Variants in ASTN1 observed in about 807,000 individuals in gnomAD.
The protein encoded by ASTN1 is astrotactin 1.
ASTN1 carries 41 observed loss-of-function variants against 140.7 expected under a neutral mutation model. The observed-to-expected ratio is 0.29, with a 90% CI of 0.23 to 0.38. The LOEUF (loss-of-function observed/expected upper bound fraction) is 0.38. ASTN1 is among the 10% of genes least tolerant of loss of function. The pLI is 1.00. For synonymous variants in ASTN1, 640 were observed against 652.2 expected (o/e 0.98, Z 0.29); for missense variants, 1,479 against 1,678.8 (o/e 0.88, Z 2.08).
intron 11 of ASTN1, 98 bp from the exon 12 acceptor site, chr1:176,949,449 G>A: frequency 4.6e-6 from 6 of 1,291,908 alleles, no homozygotes; most frequent in Non-Finnish European, 5.2e-6. Context: ...GTAGCACTCA[G>A]CCTTGAAACT....
chr1:176,883,105 T>A (rs1279630640), intron 19 of ASTN1, 111 bp from the exon 20 acceptor site: 5 of 1,433,770 alleles, frequency 3.5e-6, no homozygotes, highest in Non-Finnish European at 4.8e-6. Flanking sequence ...TGGTCCTCAA[T>A]CTCTAGAGTA....
intron 1 of ASTN1, among the ~76,000 whole-genome samples, chr1:177,125,678 C>T (rs1037681699): frequency 5.3e-5 from 8 of 152,156 alleles, no homozygotes; most frequent in South Asian, 2.1e-4. Flanking sequence ...GAAAATGACA[C>T]CAAGTATATT....
intron 20 of ASTN1, among the ~76,000 whole-genome samples, chr1:176,881,449 G>C (rs1668796529): frequency 6.6e-6 from 1 of 152,210 alleles, no homozygotes. Context: ...CTAAGTAACA[G>C]TGTGATTTAG....
chr1:176,990,606 G>A (rs1674112798), intron 8 of ASTN1, among the ~76,000 whole-genome samples: 1 of 152,058 alleles, frequency 6.6e-6, no homozygotes, highest in Non-Finnish European at 1.5e-5. Flanking sequence ...AATGGAAAGG[G>A]TAAGTAACAC....
chr1:177,023,722 A>G lies in ASTN1; in HGVS notation c.1271-151T>C, dbSNP rs142931508. 1.5e-3 allele frequency: 1,379 copies of G among 921,462 alleles called. 48 individuals carry two copies. In the Admixed American group the frequency reaches 0.045, roughly 30 times the overall value. The allele number at this position is 921,462 out of a possible 1,614,324, so 57.1% of individuals were successfully genotyped here. Reference sequence around the variant, plus strand: ...CTAGCCCATCATTAGCCCCAGAGCAAGGGATCAGCAGACAGAGGCTGGGCC... The same window carrying G: ...CTAGCCCATCATTAGCCCCAGAGCAGGGGATCAGCAGACAGAGGCTGGGCC... On this transcript the variant is annotated intron_variant, in intron 6 of 22. Coordinates refer to ENST00000361833, the MANE Select transcript of ASTN1 (RefSeq NM_004319.3).
intron 8 of ASTN1, among the ~76,000 whole-genome samples, chr1:177,004,492 A>T (rs1032030764): frequency 3.3e-5 from 5 of 152,202 alleles, no homozygotes; most frequent in African/African-American, 1.2e-4. Context: ...ATGGAACAAC[A>T]ACAACAACAA....
Position 176,958,331 on chromosome 1 carries a change from G to A in ASTN1, c.1736+14C>T, listed in dbSNP as rs762804828. Reference sequence around the variant, plus strand: ...CAAGCCAATTGCAGGCCTCAGTCCTGAAGCCAGACTCACCTGACCTCCACA... The same window carrying A: ...CAAGCCAATTGCAGGCCTCAGTCCTAAAGCCAGACTCACCTGACCTCCACA... On this transcript the variant is annotated intron_variant, in intron 10 of 22. Coordinates refer to ENST00000361833, the MANE Select transcript of ASTN1 (RefSeq NM_004319.3). 1 of 1,613,738 alleles carries A rather than the reference G, an allele frequency of 6.2e-7. No individual in the cohort carries two copies. The highest frequency in any genetic ancestry group is 1.7e-5 in the Admixed American group (1 of 59,990).
intron 8 of ASTN1, among the ~76,000 whole-genome samples, chr1:176,970,696 A>G (rs1234587125): frequency 6.6e-6 from 1 of 150,572 alleles, no homozygotes; most frequent in African/African-American, 2.5e-5. Flanking sequence ...ATATGTATGT[A>G]TATATGTATC....
intron 16 of ASTN1, among the ~76,000 whole-genome samples, chr1:176,906,579 C>T (rs1670010322): frequency 6.6e-6 from 1 of 152,046 alleles, no homozygotes; most frequent in Non-Finnish European, 1.5e-5. Context: ...TTGCGATGGG[C>T]CTCGTGGTTC....
chr1:177,065,756 T>C (rs536550201), intron 1 of ASTN1, among the ~76,000 whole-genome samples: 1 of 152,248 alleles, frequency 6.6e-6, no homozygotes, highest in Admixed American at 6.5e-5. Context: ...TGAATGCCCA[T>C]TTAAGTAGTT....
At position 176,862,589 on chromosome 1, in the gene ASTN1, T is replaced by C; in HGVS notation, c.*1695A>G. ...ACTGGGTATCCCAGAGTAGCTAAGA[T>C]CCTGTGCCCTGGAGACCAACAGCCT... On this transcript the variant is annotated 3_prime_UTR_variant, in exon 23 of 23. Transcript: ENST00000361833. 1 of 984,950 alleles carries C rather than the reference T, an allele frequency of 1.0e-6. No homozygotes were observed. The highest frequency in any genetic ancestry group is 1.2e-6 in the Non-Finnish European group (1 of 829,572). 61.0% of individuals were successfully genotyped at this position (984,950 alleles called of 1,614,324 possible).
intron 2 of ASTN1, among the ~76,000 whole-genome samples, chr1:177,047,490 C>A (rs1039340491): frequency 1.3e-5 from 2 of 152,082 alleles, no homozygotes; most frequent in Non-Finnish European, 2.9e-5. Flanking sequence ...AATGGAGGAA[C>A]CTACTCAAGG....
At chr1:177,159,423 AAAGAAAC>A (rs1647227273) in intron 1 of ASTN1, among the ~76,000 whole-genome samples, 1 of 152,242 alleles carries the variant, frequency 6.6e-6, no homozygotes, top group South Asian at 2.1e-4. Flanking sequence ...AAAAGAAGGA[AAAGAAAC>A]ATATTTTAAA....
chr1:176,917,623 A>C (rs552421202), intron 16 of ASTN1, among the ~76,000 whole-genome samples: 2 of 152,276 alleles, frequency 1.3e-5, no homozygotes, highest in Admixed American at 1.3e-4. Context: ...CTTGGGTTCC[A>C]GTTTCAGTTC....
At chr1:177,149,097 A>G (rs942662782) in intron 1 of ASTN1, among the ~76,000 whole-genome samples, 10 of 138,308 alleles carry the variant, frequency 7.2e-5, no homozygotes, top group Non-Finnish European at 1.4e-4. Context: ...TATATATAGT[A>G]AATATATATA....
chr1:176,932,299 C>G (rs1671240924), intron 16 of ASTN1, among the ~76,000 whole-genome samples: 1 of 152,286 alleles, frequency 6.6e-6, no homozygotes, highest in East Asian at 1.9e-4. Context: ...CTTGTCATTC[C>G]TAGGGTAAAG....
chr1:176,878,820 C>T (rs940330671), intron 20 of ASTN1, among the ~76,000 whole-genome samples: 9 of 152,130 alleles, frequency 5.9e-5, no homozygotes, highest in African/African-American at 1.2e-4. Context: ...CCCTCATACC[C>T]GTGTTTCCTC....
intron 8 of ASTN1, among the ~76,000 whole-genome samples, chr1:176,966,004 T>C (rs535109878): frequency 8.5e-5 from 13 of 152,232 alleles, no homozygotes; most frequent in Non-Finnish European, 1.6e-4. Context: ...ATAGTGTATA[T>C]CTTTTCACTA....
intron 14 of ASTN1, among the ~76,000 whole-genome samples, chr1:176,937,178 C>G (rs538703277): frequency 6.6e-6 from 1 of 152,246 alleles, no homozygotes; most frequent in East Asian, 1.9e-4. Context: ...TTGACTCAGC[C>G]CACATACCTG....
Sources: gnomAD v4.1 joint callset for allele counts (sites outside exome capture counted in the v4.1 genomes callset) on GRCh38, gnomAD v4.1.1 for gene constraint, MANE v1.5 for transcripts, NCBI Gene and HGNC (gene_info 2026-07-23, HGNC 2026-07-21) for gene names.